Variants in HIPK2 observed in about 807,000 individuals in gnomAD.
HIPK2 encodes homeodomain interacting protein kinase 2.
Under a neutral mutation model 113.7 loss-of-function variants are expected in HIPK2, and 27 were observed. That is an observed-to-expected ratio of 0.24 (90% CI 0.17 to 0.33). The LOEUF (loss-of-function observed/expected upper bound fraction) is 0.33, where lower values mean the gene tolerates loss of function less well. HIPK2 is among the 10% of genes least tolerant of loss of function. The pLI is 1.00. For synonymous variants in HIPK2, 631 were observed against 642.2 expected (o/e 0.98, Z 0.26); for missense variants, 1,257 against 1,588.0 (o/e 0.79, Z 3.54).
At chr7:139,707,537 G>A (rs1794938392) in intron 2 of HIPK2, among the ~76,000 whole-genome samples, 1 of 152,232 alleles carries the variant, frequency 6.6e-6, no homozygotes, top group South Asian at 2.1e-4. Flanking sequence ...GACAAACTCT[G>A]CCTTTTCAGT....
chr7:139,565,451 T>C lies in HIPK2; in HGVS notation c.*7476A>G, dbSNP rs774923082. 1 of 152,144 alleles carries C rather than the reference T, an allele frequency of 6.6e-6. No homozygotes were observed. The allele number at this position is 152,144 out of a possible 1,614,324, so 9.4% of individuals were successfully genotyped here. A position where few individuals can be genotyped will look rare whatever the true frequency, so the allele number is the denominator to read the frequency against. ...AACTGAACAAATATTTCATAATAAA[T>C]GATAATAGTTATTTTAAAAAATTAA... On this transcript the variant is annotated 3_prime_UTR_variant, in exon 15 of 15. Coordinates refer to ENST00000406875, the MANE Select transcript of HIPK2 (RefSeq NM_022740.5).
In HIPK2 at chr7:139,745,566, CAAACTT is replaced by C. The variant is rs772176618; in HGVS notation, c.20-28557_20-28552del. ...AATGTCTCCAGGGAATGTCCTGTCT[CAAACTT>C]AAAATGTCCCAAATGGAGCTCATTA... On this transcript the variant is annotated intron_variant, in intron 1 of 14. Transcript: ENST00000406875. 8.3e-4 allele frequency among the ~76,000 whole-genome samples: 127 copies of C among 152,330 alleles called. No individual in the cohort carries two copies. The Middle Eastern group carries it at 0.01, about 12-fold the overall frequency.
intron 2 of HIPK2, among the ~76,000 whole-genome samples, chr7:139,713,214 A>G (rs574361453): frequency 1.3e-5 from 2 of 152,218 alleles, no homozygotes; most frequent in East Asian, 1.9e-4. Flanking sequence ...AAACCAGCCT[A>G]CCACACCCAC....
chr7:139,573,220 G>T lies in HIPK2; in HGVS notation c.3304C>A (p.Leu1102Ile), dbSNP rs906592701. 1 of 1,605,426 alleles carries T rather than the reference G, an allele frequency of 6.2e-7. No individual in the cohort carries two copies. Among genetic ancestry groups the T allele is most frequent in the African/African-American group, 1.3e-5 (1 of 74,950 alleles). The change falls in exon 15 of 15, where the codon CTC (leucine) becomes ATC (isoleucine). Residue 1102 changes from leucine (L) to isoleucine (I), a missense_variant. By Grantham distance (5) the Leu-to-Ile change is conservative. Coordinates refer to ENST00000406875, the MANE Select transcript of HIPK2 (RefSeq NM_022740.5). Reference protein sequence around the residue: ...AAAHLPTQPHLYTYTAPAALG... With the variant: ...AAAHLPTQPHIYTYTAPAALG... Reference sequence around the variant, plus strand: ...GCCGCCGGCGCAGTGTAGGTGTAGAGGTGGGGCTGGGTGGGGAGGTGGGCA... The same window carrying T: ...GCCGCCGGCGCAGTGTAGGTGTAGATGTGGGGCTGGGTGGGGAGGTGGGCA...
chr7:139,700,089 C>A (rs1028423120), intron 2 of HIPK2, among the ~76,000 whole-genome samples: 2 of 152,156 alleles, frequency 1.3e-5, no homozygotes, highest in Non-Finnish European at 1.5e-5. Flanking sequence ...TCCTCAGTGG[C>A]GCTCTCTAGA....
chr7:139,581,144 C>T lies in HIPK2; in HGVS notation c.2965+2673G>A, dbSNP rs144653138. Among the ~76,000 whole-genome samples, 254 of 152,172 alleles carry T rather than the reference C, an allele frequency of 1.7e-3. 1 individual carries two copies. The highest frequency in any genetic ancestry group is 5.6e-3 in the African/African-American group (233 of 41,514). ...CTGAGACAGCAGAATTGCTTGAACC[C>T]GGGAAGTAGAGGTTGCAGTAAGCCG... On this transcript the variant is annotated intron_variant, in intron 13 of 14. Coordinates refer to ENST00000406875, the MANE Select transcript of HIPK2 (RefSeq NM_022740.5).
At chr7:139,617,050 A>G (rs1458467199) in intron 7 of HIPK2, among the ~76,000 whole-genome samples, 2 of 152,176 alleles carry the variant, frequency 1.3e-5, no homozygotes, top group African/African-American at 4.8e-5. Flanking sequence ...GTTTTCCCCT[A>G]GTTTCGAACC....
At chr7:139,626,867 A>G in intron 5 of HIPK2, 82 bp from the exon 6 acceptor site, 1 of 1,486,422 alleles carries the variant, frequency 6.7e-7, no homozygotes, top group Non-Finnish European at 9.3e-7. Context: ...TTTGCCCTGT[A>G]ACTTCCTCCT....
At chr7:139,754,483 C>T (rs1355288390) in intron 1 of HIPK2, among the ~76,000 whole-genome samples, 3 of 152,188 alleles carry the variant, frequency 2.0e-5, no homozygotes, top group African/African-American at 4.8e-5. Flanking sequence ...AGCAAGAAAG[C>T]TGGTTCCACC....
At chr7:139,737,519 C>T (rs1198117949) in intron 1 of HIPK2, among the ~76,000 whole-genome samples, 1 of 152,136 alleles carries the variant, frequency 6.6e-6, no homozygotes, top group Non-Finnish European at 1.5e-5. Flanking sequence ...CTCATTACCC[C>T]AGCTTTTCAC....
chr7:139,617,255 T>A (rs1800086324), intron 7 of HIPK2, among the ~76,000 whole-genome samples: 1 of 152,104 alleles, frequency 6.6e-6, no homozygotes, highest in East Asian at 1.9e-4. Context: ...AATCAGAGAC[T>A]GGGGTCTTGC....
At chr7:139,635,403 G>A (rs1057458280) in intron 2 of HIPK2, among the ~76,000 whole-genome samples, 1 of 152,138 alleles carries the variant, frequency 6.6e-6, no homozygotes, top group Non-Finnish European at 1.5e-5. Context: ...CTAACCCACG[G>A]AAACCTCGTT....
At chr7:139,650,369 A>G (rs1415859313) in intron 2 of HIPK2, among the ~76,000 whole-genome samples, 1 of 138,480 alleles carries the variant, frequency 7.2e-6, no homozygotes, top group African/African-American at 2.7e-5. Context: ...AAAAAAAAAA[A>G]GGATATTTAA....
In HIPK2 at chr7:139,589,103, C is replaced by T. The variant is rs528732835; in HGVS notation, c.2718-5039G>A. ...GTGTCCTGGGAGCTGGCACTGCAGT[C>T]CTAGCTCTGCTGTTCCTTTACTGGT... On this transcript the variant is annotated intron_variant, in intron 12 of 14. Transcript: ENST00000406875. 2.0e-5 allele frequency among the ~76,000 whole-genome samples: 3 copies of T among 152,186 alleles called. No homozygotes were observed. In the South Asian group the frequency reaches 6.2e-4, roughly 32 times the overall value.
In HIPK2 at chr7:139,600,568, T is replaced by G; in HGVS notation, c.2284A>C (p.Asn762His). The G allele has an allele frequency of 6.2e-7, 1 of 1,613,938 alleles. No individual in the cohort carries two copies. The highest frequency in any genetic ancestry group is 1.1e-5 in the South Asian group (1 of 91,080). Residue 762 changes from asparagine to histidine, a missense_variant, in exon 11 of 15, where the codon AAT becomes CAT. Coordinates refer to ENST00000406875, the MANE Select transcript of HIPK2 (RefSeq NM_022740.5). ...AGTGCAGGCTGCTGCATGATGGGATTATAATGGCTTCCGTGAGCATGCGTA... is the reference window on the plus strand; with the variant it reads ...AGTGCAGGCTGCTGCATGATGGGATGATAATGGCTTCCGTGAGCATGCGTA... ...RNTHAHGSHY[N>H]PIMQQPALLT... is the part of the protein sequence containing the mutation.
At chr7:139,597,686 T>C (rs1041123720) in intron 11 of HIPK2, among the ~76,000 whole-genome samples, 5 of 152,224 alleles carry the variant, frequency 3.3e-5, no homozygotes, top group African/African-American at 1.2e-4. Flanking sequence ...TAGTCTAAAT[T>C]GTAATAGAAA....
In HIPK2 at chr7:139,746,249, T is replaced by C. The variant is rs116494732; in HGVS notation, c.20-29234A>G. ...ACACCCACTGTCCCCCAGCCGGGCC[T>C]TGTGCACCCCTGTGTGGGGCAACCT... is the stretch of plus-strand genomic sequence containing the variant. On this transcript the variant is annotated intron_variant, in intron 1 of 14. Coordinates refer to ENST00000406875, the MANE Select transcript of HIPK2 (RefSeq NM_022740.5). 7.1e-3 allele frequency among the ~76,000 whole-genome samples: 1,087 copies of C among 152,318 alleles called. 13 individuals carry two copies. Among genetic ancestry groups the C allele is most frequent in the African/African-American group, 0.025 (1,021 of 41,564 alleles).
At chr7:139,708,115 G>A (rs1453702842) in intron 2 of HIPK2, among the ~76,000 whole-genome samples, 2 of 151,986 alleles carry the variant, frequency 1.3e-5, no homozygotes, top group African/African-American at 2.4e-5. Flanking sequence ...CATGCCGGCC[G>A]CACCCTCTCA....
intron 5 of HIPK2, 84 bp downstream of exon 5, chr7:139,628,869 C>A: frequency 8.5e-7 from 1 of 1,172,440 alleles, no homozygotes. Context: ...GGATTTCAAC[C>A]CATTATCTTC....
Sources: gnomAD v4.1 joint callset for allele counts (sites outside exome capture counted in the v4.1 genomes callset) on GRCh38, gnomAD v4.1.1 for gene constraint, MANE v1.5 for transcripts, NCBI Gene and HGNC (gene_info 2026-07-23, HGNC 2026-07-21) for gene names.